Variants in TAOK1 observed in about 807,000 individuals in gnomAD.
TAOK1 encodes the protein TAO kinase 1.
Under a neutral mutation model 138.3 loss-of-function variants are expected in TAOK1, and 21 were observed. That is an observed-to-expected ratio of 0.15 (90% CI 0.11 to 0.22). The LOEUF (loss-of-function observed/expected upper bound fraction) is 0.22, where lower values mean the gene tolerates loss of function less well. TAOK1 is among the 10% of genes least tolerant of loss of function. The pLI is 1.00. For synonymous variants in TAOK1, 361 were observed against 398.4 expected (o/e 0.91, Z 1.12); for missense variants, 651 against 1,227.7 (o/e 0.53, Z 7.02).
intron 19 of TAOK1, among the ~76,000 whole-genome samples, chr17:29,535,241 G>A (rs557770056): frequency 2.0e-5 from 3 of 152,146 alleles, no homozygotes; most frequent in African/African-American, 7.2e-5. Flanking sequence ...AGCCTAGAAG[G>A]TTGAGGCTTC....
intron 19 of TAOK1, among the ~76,000 whole-genome samples, chr17:29,539,094 CA>C (rs971309987): frequency 6.2e-5 from 9 of 146,156 alleles, no homozygotes; most frequent in East Asian, 2.0e-4. Context: ...CCCGTCTCTA[CA>C]AAAAAAAAAT....
chr17:29,530,962 A>ATTTTTTTTT (rs66788063), intron 18 of TAOK1, among the ~76,000 whole-genome samples: 16,484 of 95,022 alleles, frequency 0.17, 2,998 homozygotes, highest in Middle Eastern at 0.27. Context: ...ACAAGTACAA[A>ATTTTTTTTT]TTTTTTTTTT....
intron 3 of TAOK1, among the ~76,000 whole-genome samples, chr17:29,475,086 GCAC>G (rs1196486089): frequency 2.6e-5 from 4 of 151,936 alleles, no homozygotes; most frequent in African/African-American, 9.7e-5. Flanking sequence ...GACTATAGGT[GCAC>G]ACCACCACGC....
chr17:29,397,054 G>A (rs1274361600), intron 1 of TAOK1, among the ~76,000 whole-genome samples: 2 of 24,240 alleles, frequency 8.3e-5, no homozygotes, highest in Non-Finnish European at 1.3e-4. Context: ...CAGCACTTTG[G>A]GAGGCTGAGG....
At chr17:29,414,959 C>A (rs1905233703) in intron 1 of TAOK1, among the ~76,000 whole-genome samples, 1 of 151,884 alleles carries the variant, frequency 6.6e-6, no homozygotes, top group Admixed American at 6.6e-5. Context: ...CCATTTTATA[C>A]CTTTTTTTTG....
chr17:29,404,769 A>G (rs866720657), intron 1 of TAOK1, among the ~76,000 whole-genome samples: 3 of 152,146 alleles, frequency 2.0e-5, no homozygotes, highest in Admixed American at 2.0e-4. Flanking sequence ...CAGCTTGGGC[A>G]ACAGTGAGAC....
chr17:29,428,707 T>C (rs1416255924), intron 1 of TAOK1, among the ~76,000 whole-genome samples: 1 of 152,064 alleles, frequency 6.6e-6, no homozygotes, highest in Non-Finnish European at 1.5e-5. Flanking sequence ...AACTGCAGCC[T>C]CTACCTCCTG....
intron 8 of TAOK1, among the ~76,000 whole-genome samples, chr17:29,488,642 T>TATATTTTTATATATATTTTA (rs1345118835): frequency 7.3e-5 from 11 of 151,182 alleles, no homozygotes; most frequent in Admixed American, 6.6e-4. Flanking sequence ...ACAATTTTTT[T>TATATTTTTATATATATTTTA]TCGCCAAATA....
intron 8 of TAOK1, 128 bp from the exon 9 acceptor site, chr17:29,489,536 G>A: frequency 1.7e-6 from 1 of 604,850 alleles, no homozygotes; most frequent in Non-Finnish European, 2.8e-6. Context: ...AACTCTACTT[G>A]CAATTTTTTG....
At chr17:29,432,399 C>G (rs1299446296) in intron 1 of TAOK1, among the ~76,000 whole-genome samples, 1 of 152,218 alleles carries the variant, frequency 6.6e-6, no homozygotes, top group Non-Finnish European at 1.5e-5. Context: ...TTCGGTAAAC[C>G]CACAACCTTC....
chr17:29,488,802 G>C (rs1224760537), intron 8 of TAOK1, among the ~76,000 whole-genome samples: 1 of 151,842 alleles, frequency 6.6e-6, no homozygotes, highest in African/African-American at 2.4e-5. Flanking sequence ...CACAAAATAA[G>C]CAGAAGGTAG....
chr17:29,499,974 C>T (rs1288467553), intron 12 of TAOK1, among the ~76,000 whole-genome samples: 1 of 152,058 alleles, frequency 6.6e-6, no homozygotes, highest in Non-Finnish European at 1.5e-5. Flanking sequence ...AATGTTAAAT[C>T]TTCTGAAAAA....
At chr17:29,420,627 C>T (rs1298801171) in intron 1 of TAOK1, among the ~76,000 whole-genome samples, 8 of 137,506 alleles carry the variant, frequency 5.8e-5, no homozygotes, top group Admixed American at 1.6e-4. Context: ...CTCTTGTTGC[C>T]CAGGCTAGAG....
chr17:29,516,241 G>T (rs1019809149), intron 15 of TAOK1, among the ~76,000 whole-genome samples: 7 of 152,028 alleles, frequency 4.6e-5, no homozygotes, highest in Non-Finnish European at 1.0e-4. Context: ...GATTACAGGC[G>T]TGAGCCACCG....
intron 1 of TAOK1, among the ~76,000 whole-genome samples, chr17:29,394,577 C>T (rs1904533805): frequency 6.6e-6 from 1 of 152,016 alleles, no homozygotes; most frequent in South Asian, 2.1e-4. Context: ...GTGTCTTTCA[C>T]CTGGAAATAA....
At chr17:29,488,663 A>G (rs1017756720) in intron 8 of TAOK1, among the ~76,000 whole-genome samples, 9 of 151,674 alleles carry the variant, frequency 5.9e-5, no homozygotes, top group East Asian at 1.9e-4. Context: ...TTTTCAGTCT[A>G]TGGTTGAAAT....
At chr17:29,479,302 G>T (rs975940939) in intron 6 of TAOK1, among the ~76,000 whole-genome samples, 18 of 152,088 alleles carry the variant, frequency 1.2e-4, no homozygotes, top group African/African-American at 4.1e-4. Context: ...AAGAAAGTTA[G>T]CATTTTCTTA....
At chr17:29,459,430 C>T (rs1052210329) in intron 2 of TAOK1, among the ~76,000 whole-genome samples, 1 of 151,848 alleles carries the variant, frequency 6.6e-6, no homozygotes, top group African/African-American at 2.4e-5. Flanking sequence ...TACAGGCGCC[C>T]GCCCCCACGC....
Position 29,420,671 on chromosome 17 carries a change from C to T in TAOK1, c.-95+29647C>T, listed in dbSNP as rs796417291. ...CACGATCTCGGGTCACTGCAACCTC[C>T]GCCTCCCGGGTTCAAGTGACTCTGC... On this transcript the variant is annotated intron_variant, in intron 1 of 19. Coordinates refer to ENST00000261716, the MANE Select transcript of TAOK1 (RefSeq NM_020791.4). Among the ~76,000 whole-genome samples the T allele has an allele frequency of 5.3e-5, 8 of 150,112 alleles. No homozygotes were observed. The South Asian group carries it at 6.3e-4, about 12-fold the overall frequency.
Sources: allele counts gnomAD v4.1 joint callset (sites outside exome capture counted in the v4.1 genomes callset), GRCh38; gene constraint gnomAD v4.1.1; transcripts MANE v1.5; gene names NCBI Gene and HGNC (gene_info 2026-07-23, HGNC 2026-07-21).